Variants in SNRNP48 observed in about 807,000 individuals in gnomAD.
SNRNP48 encodes U11/U12 small nuclear ribonucleoprotein 48 kDa protein.
A neutral mutation model predicts 47.0 loss-of-function variants in SNRNP48; 43 were observed. The observed-to-expected ratio is 0.92, with a 90% CI of 0.72 to 1.18. The LOEUF (loss-of-function observed/expected upper bound fraction) is 1.18, where lower values mean the gene tolerates loss of function less well. SNRNP48 is among the 50% of genes most tolerant of loss of function. The pLI is 0.00. For synonymous variants in SNRNP48, 138 were observed against 144.0 expected (o/e 0.96, Z 0.30); for missense variants, 396 against 422.2 (o/e 0.94, Z 0.54).
intron 6 of SNRNP48, among the ~76,000 whole-genome samples, chr6:7,604,798 C>CTG (rs1760093028): frequency 6.6e-6 from 1 of 152,108 alleles, no homozygotes; most frequent in Admixed American, 6.6e-5. Context: ...CAGAAAGTAT[C>CTG]TGTGAAGTGA....
intron 7 of SNRNP48, 117 bp from the exon 8 acceptor site, chr6:7,605,914 G>A (rs1760115914): frequency 1.9e-6 from 2 of 1,071,376 alleles, no homozygotes; most frequent in Non-Finnish European, 2.7e-6. Context: ...TGCATATTTA[G>A]ACCATATCTA....
chr6:7,609,820 G>C lies in SNRNP48; in HGVS notation c.*947G>C, dbSNP rs185384179. 6.6e-6 allele frequency: 1 copy of C among 151,988 alleles called. No individual in the cohort carries two copies. The highest frequency in any genetic ancestry group is 2.4e-5 in the African/African-American group (1 of 41,360). 9.4% of individuals were successfully genotyped at this position (151,988 alleles called of 1,614,324 possible). On this transcript the variant is annotated 3_prime_UTR_variant, in exon 9 of 9. Coordinates refer to ENST00000342415, the MANE Select transcript of SNRNP48 (RefSeq NM_152551.4). The stretch of plus-strand genomic sequence containing the variant: ...CCTTTTTACGTGTGTATTTTATTGG[G>C]TTTTGACAGATTCATACCTCTGTGC...
intron 6 of SNRNP48, among the ~76,000 whole-genome samples, chr6:7,603,889 G>A (rs909280066): frequency 1.3e-5 from 2 of 152,150 alleles, no homozygotes; most frequent in African/African-American, 4.8e-5. Context: ...AAGCTTAAAT[G>A]TTGCTGCTAG....
chr6:7,610,706 G>C lies in SNRNP48; in HGVS notation c.*1833G>C, dbSNP rs886924128. The C allele has an allele frequency of 2.6e-5, 4 of 152,142 alleles. No homozygotes were observed. Among genetic ancestry groups the C allele is most frequent in the Non-Finnish European group, 5.9e-5 (4 of 68,012 alleles). The allele number at this position is 152,142 out of a possible 1,614,324, so 9.4% of individuals were successfully genotyped here. ...AAGGAAGAGATTGAAAATGTTACCA[G>C]AGTTCTTTAAAGCTCACATTTTATA... On this transcript the variant is annotated 3_prime_UTR_variant, in exon 9 of 9. Transcript: ENST00000342415.
chr6:7,601,442 G>A lies in SNRNP48; in HGVS notation c.513G>A (p.Glu171=), dbSNP rs1398871556. 6.2e-7 allele frequency: 1 copy of A among 1,604,500 alleles called. No homozygotes were observed. The highest frequency in any genetic ancestry group is 8.5e-7 in the Non-Finnish European group (1 of 1,178,064). ...RLALYDFVVE[E]TKKKRSDSQI... ...CCCTCTATGATTTCGTAGTTGAGGA[G>A]ACAAAGAAAAAGCGCTCTGATTCTC... The change falls in exon 5 of 9, where the codon GAG becomes GAA. Residue 171 remains glutamate (E), a synonymous_variant. Transcript: ENST00000342415.
At position 7,609,162 on chromosome 6, in the gene SNRNP48, TAA is replaced by T. The variant is rs1760186118; in HGVS notation, c.*290_*291del. 1.0e-5 allele frequency: 2 copies of T among 193,608 alleles called. No individual in the cohort carries two copies. Among genetic ancestry groups the T allele is most frequent in the Admixed American group, 6.0e-5 (1 of 16,542 alleles). The allele number at this position is 193,608 out of a possible 1,614,324, so 12.0% of individuals were successfully genotyped here. ...CTAATATATGTATCTCAAAATTCTT[TAA>T]GTCAATATTTATCATATGTAAATTA... On this transcript the variant is annotated 3_prime_UTR_variant, in exon 9 of 9. Coordinates refer to ENST00000342415, the MANE Select transcript of SNRNP48 (RefSeq NM_152551.4).
intron 4 of SNRNP48, among the ~76,000 whole-genome samples, chr6:7,597,892 A>G (rs1275560829): frequency 2.1e-5 from 3 of 141,690 alleles, no homozygotes; most frequent in Admixed American, 7.1e-5. Context: ...TTGAGGCGGA[A>G]TCTTGCTCTC....
In SNRNP48 at chr6:7,606,150, A is replaced by G. The variant is rs1392832714; in HGVS notation, c.926A>G (p.Asn309Ser). Residue 309 changes from asparagine (N) to serine (S), a missense_variant, in exon 8 of 9, where the codon AAC (asparagine) becomes AGC (serine). Transcript: ENST00000342415. Reference sequence around the variant, plus strand: ...AGAAGCCCACATAAAAGAAAAAGAAACAAAGATAAGGATAAAAACTGTGAG... The same window carrying G: ...AGAAGCCCACATAAAAGAAAAAGAAGCAAAGATAAGGATAAAAACTGTGAG... Reference protein sequence around the residue: ...RSRSPHKRKRNKDKDKNCESR... With the variant: ...RSRSPHKRKRSKDKDKNCESR... 1 of 1,613,614 alleles carries G rather than the reference A, an allele frequency of 6.2e-7. No individual in the cohort carries two copies. Among genetic ancestry groups the G allele is most frequent in the Non-Finnish European group, 8.5e-7 (1 of 1,179,886 alleles).
chr6:7,594,009 T>C (rs1182335674), intron 2 of SNRNP48, 90 bp from the exon 3 acceptor site: 1 of 986,536 alleles, frequency 1.0e-6, no homozygotes, highest in Admixed American at 3.1e-5. Flanking sequence ...TTGTGAGAAA[T>C]AATTAAGTGA....
At chr6:7,605,949 C>A in intron 7 of SNRNP48, 82 bp from the exon 8 acceptor site, 1 of 1,369,188 alleles carries the variant, frequency 7.3e-7, no homozygotes, top group Non-Finnish European at 1.0e-6. Flanking sequence ...TAGAATATTA[C>A]ACTTTAGACT....
At chr6:7,605,008 A>ACT (rs35999016) in intron 6 of SNRNP48, among the ~76,000 whole-genome samples, 23,594 of 148,162 alleles carry the variant, frequency 0.16, 2,713 homozygotes, top group African/African-American at 0.33. Flanking sequence ...TCTCATTGGC[A>ACT]CTCTCTCTCT....
intron 1 of SNRNP48, among the ~76,000 whole-genome samples, chr6:7,591,173 C>T (rs998434332): frequency 6.6e-6 from 1 of 152,278 alleles, no homozygotes; most frequent in Middle Eastern, 3.4e-3. Context: ...GCCAGTTCGC[C>T]TTTCTGTGCC....
At chr6:7,600,166 A>G in intron 4 of SNRNP48, 1 of 991,858 alleles carries the variant, frequency 1.0e-6, no homozygotes, top group Non-Finnish European at 1.2e-6. Flanking sequence ...TGACGAGTAA[A>G]AATGGCCATA....
Position 7,611,894 on chromosome 6 carries a change from A to T in SNRNP48, c.*3021A>T, listed in dbSNP as rs1364111001. ...TTTACAAGTCAATTTCCTTTTATGTAGCTTGCTTTTTCATTTGCTATAATT... is the reference window on the plus strand; with the variant it reads ...TTTACAAGTCAATTTCCTTTTATGTTGCTTGCTTTTTCATTTGCTATAATT... On this transcript the variant is annotated 3_prime_UTR_variant, in exon 9 of 9. Transcript: ENST00000342415. 1 of 152,188 alleles carries T rather than the reference A, an allele frequency of 6.6e-6. No homozygotes were observed. The highest frequency in any genetic ancestry group is 2.4e-5 in the African/African-American group (1 of 41,450). The allele number at this position is 152,188 out of a possible 1,614,324, so 9.4% of individuals were successfully genotyped here.
rs1399088697 is a variant in SNRNP48 at position 7,608,747 on chromosome 6, A to G, written c.972-78A>G. Reference sequence around the variant, plus strand: ...ATATTACTGTTGAAAGTGGTGTATTACTGTTGAATTATTTTAAAGCTCTGA... The same window carrying G: ...ATATTACTGTTGAAAGTGGTGTATTGCTGTTGAATTATTTTAAAGCTCTGA... On this transcript the variant is annotated intron_variant, in intron 8 of 8. Coordinates refer to ENST00000342415, the MANE Select transcript of SNRNP48 (RefSeq NM_152551.4). The G allele has an allele frequency of 7.7e-6, 6 of 778,588 alleles. No homozygotes were observed. In the East Asian group the frequency reaches 1.8e-4, roughly 23 times the overall value. The allele number at this position is 778,588 out of a possible 1,614,324, so 48.2% of individuals were successfully genotyped here. A position where few individuals can be genotyped will look rare whatever the true frequency, so the allele number is the denominator to read the frequency against.
chr6:7,591,621 C>T (rs949187470), intron 1 of SNRNP48, among the ~76,000 whole-genome samples: 6 of 152,074 alleles, frequency 3.9e-5, no homozygotes, highest in African/African-American at 1.4e-4. Context: ...CTTACCAGAC[C>T]CTTCCATACA....
chr6:7,605,524 T>C (rs763765681), intron 7 of SNRNP48, 38 bp downstream of exon 7: 5 of 1,543,868 alleles, frequency 3.2e-6, no homozygotes, highest in Non-Finnish European at 4.5e-6. Context: ...TACTCTCTCT[T>C]TGATAACAGA....
At chr6:7,605,359 A>C (rs1198044654) in intron 6 of SNRNP48, 39 bp from the exon 7 acceptor site, 2 of 1,529,514 alleles carry the variant, frequency 1.3e-6, no homozygotes, top group Non-Finnish European at 1.8e-6. Flanking sequence ...TTTTTTGAGC[A>C]GTTTTCTTAC....
chr6:7,606,795 C>G (rs1760137565), intron 8 of SNRNP48, among the ~76,000 whole-genome samples: 1 of 152,196 alleles, frequency 6.6e-6, no homozygotes. Flanking sequence ...TTTTCTCAAT[C>G]TGCTCCTCTT....
Sources: allele counts gnomAD v4.1 joint callset (sites outside exome capture counted in the v4.1 genomes callset), GRCh38; gene constraint gnomAD v4.1.1; transcripts MANE v1.5; gene names NCBI Gene and HGNC (gene_info 2026-07-23, HGNC 2026-07-21).